OLFM3: variants seen among roughly 807,000 people sequenced by gnomAD.
The protein encoded by OLFM3 is noelin-3.
In OLFM3, 20 loss-of-function variants were observed where a neutral mutation model predicts 48.6. The observed-to-expected ratio is 0.41, with a 90% CI of 0.29 to 0.60. The LOEUF is 0.60. Among genes scored for constraint, OLFM3 ranks in the 20% least tolerant of loss-of-function variants. The probability of loss-of-function intolerance (pLI) is 0.28; values close to 1 mark genes in which losing one functional copy is unlikely to be tolerated. For synonymous variants in OLFM3, 222 were observed against 198.1 expected, an observed-to-expected ratio of 1.12 and a Z score of -1.01; for missense variants, 437 against 544.3, an observed-to-expected ratio of 0.80 and a Z score of 1.96.
intron 1 of OLFM3, among the ~76,000 whole-genome samples, chr1:101,920,137 GTC>G (rs1409257595): frequency 6.6e-6 from 1 of 151,974 alleles, no homozygotes; most frequent in African/African-American, 2.4e-5. Flanking sequence ...TTCCTAATTG[GTC>G]TCTCTGTTTG....
intron 1 of OLFM3, among the ~76,000 whole-genome samples, chr1:101,900,141 T>A (rs1368600744): frequency 1.3e-5 from 2 of 152,208 alleles, no homozygotes; most frequent in Non-Finnish European, 2.9e-5. Context: ...TTTATTTATA[T>A]GTTTGATGTT....
intron 1 of OLFM3, among the ~76,000 whole-genome samples, chr1:101,860,897 G>C (rs1382446826): frequency 6.6e-6 from 1 of 151,982 alleles, no homozygotes; most frequent in African/African-American, 2.4e-5. Context: ...ATAATAGCCA[G>C]TCACCCATAT....
At chr1:101,937,399 G>A (rs77286309) in intron 1 of OLFM3, among the ~76,000 whole-genome samples, 19,695 of 152,170 alleles carry the variant, frequency 0.13, 1,601 homozygotes, top group Non-Finnish European at 0.17. Flanking sequence ...GACATGGTTT[G>A]GCTGTGTCCC....
chr1:101,919,381 C>T (rs1051677470), intron 1 of OLFM3, among the ~76,000 whole-genome samples: 3 of 151,972 alleles, frequency 2.0e-5, no homozygotes, highest in African/African-American at 7.3e-5. Context: ...ATTTTGCTCC[C>T]GTTATACGGA....
chr1:101,873,360 G>T (rs1486443552), intron 1 of OLFM3, among the ~76,000 whole-genome samples: 2 of 151,850 alleles, frequency 1.3e-5, no homozygotes, highest in East Asian at 3.9e-4. Flanking sequence ...ATTTTGTATG[G>T]TGGAAATTGT....
At chr1:101,836,275 T>C (rs1655397170) in intron 2 of OLFM3, among the ~76,000 whole-genome samples, 1 of 152,192 alleles carries the variant, frequency 6.6e-6, no homozygotes, top group African/African-American at 2.4e-5. Context: ...TAAACATAAA[T>C]AACCTTTCAT....
intron 1 of OLFM3, among the ~76,000 whole-genome samples, chr1:101,959,446 T>C (rs986762032): frequency 1.3e-5 from 2 of 152,086 alleles, no homozygotes; most frequent in Non-Finnish European, 2.9e-5. Flanking sequence ...TTGTTCACTG[T>C]GAATCTTGAT....
At chr1:101,850,500 A>G (rs1054189074) in intron 1 of OLFM3, among the ~76,000 whole-genome samples, 3 of 152,134 alleles carry the variant, frequency 2.0e-5, no homozygotes, top group Non-Finnish European at 2.9e-5. Context: ...TTTTATTTGT[A>G]GAACAAAAGT....
chr1:101,989,072 G>A (rs1015089185), intron 1 of OLFM3, among the ~76,000 whole-genome samples: 1 of 152,038 alleles, frequency 6.6e-6, no homozygotes, highest in Non-Finnish European at 1.5e-5. Flanking sequence ...TGGGGTGCAA[G>A]GAATGTCAGG....
At chr1:101,887,300 T>A (rs555101628) in intron 1 of OLFM3, among the ~76,000 whole-genome samples, 48 of 151,938 alleles carry the variant, frequency 3.2e-4, no homozygotes, top group Admixed American at 9.2e-4. Context: ...AGAAAATAAT[T>A]GTATACCTAT....
chr1:101,812,284 T>C (rs1654103327), intron 4 of OLFM3: 1 of 322,326 alleles, frequency 3.1e-6, no homozygotes, highest in Non-Finnish European at 4.5e-6. Flanking sequence ...GGTATACATA[T>C]GTAACAAACC....
chr1:101,840,051 T>G (rs1195700719), intron 1 of OLFM3, among the ~76,000 whole-genome samples: 2 of 152,144 alleles, frequency 1.3e-5, no homozygotes, highest in Non-Finnish European at 2.9e-5. Context: ...TTTATGAGTG[T>G]TTCTAGTGTT....
chr1:101,936,537 C>T (rs1237969416), intron 1 of OLFM3, among the ~76,000 whole-genome samples: 1 of 152,096 alleles, frequency 6.6e-6, no homozygotes, highest in Non-Finnish European at 1.5e-5. Flanking sequence ...CTGCCAAAAC[C>T]TGTTTACAGA....
intron 1 of OLFM3, among the ~76,000 whole-genome samples, chr1:101,916,640 T>C (rs1467528667): frequency 1.3e-5 from 2 of 152,184 alleles, no homozygotes; most frequent in Non-Finnish European, 2.9e-5. Context: ...GACAGTATTT[T>C]AATCTCACTT....
chr1:101,973,323 G>A (rs763041214), intron 1 of OLFM3, among the ~76,000 whole-genome samples: 4 of 152,198 alleles, frequency 2.6e-5, no homozygotes, highest in African/African-American at 4.8e-5. Context: ...CAATGTCTGA[G>A]GCAGGAGAGC....
intron 4 of OLFM3, among the ~76,000 whole-genome samples, chr1:101,810,043 G>A (rs545517187): frequency 7.9e-5 from 12 of 151,882 alleles, no homozygotes; most frequent in African/African-American, 1.4e-4. Context: ...TAAAGTCCAC[G>A]TTGTTAGAGA....
chr1:101,837,912 ACTGT>A (rs1264785549), intron 1 of OLFM3: 1 of 152,122 alleles, frequency 6.6e-6, no homozygotes, highest in Non-Finnish European at 1.5e-5. Flanking sequence ...TTGTGAAGAA[ACTGT>A]CTGTACTATT....
intron 1 of OLFM3, among the ~76,000 whole-genome samples, chr1:101,896,072 C>G (rs1658190921): frequency 1.3e-5 from 2 of 151,418 alleles, no homozygotes; most frequent in Non-Finnish European, 2.9e-5. Context: ...AGATATGCAA[C>G]AATAATTTAT....
intron 1 of OLFM3, among the ~76,000 whole-genome samples, chr1:101,850,251 C>A (rs1656170568): frequency 6.6e-6 from 1 of 152,068 alleles, no homozygotes; most frequent in Non-Finnish European, 1.5e-5. Flanking sequence ...CATAGTGGAT[C>A]AATAACTATA....
Sources: gnomAD v4.1 joint callset for allele counts (sites outside exome capture counted in the v4.1 genomes callset) on GRCh38, gnomAD v4.1.1 for gene constraint, MANE v1.5 for transcripts, NCBI Gene and HGNC (gene_info 2026-07-23, HGNC 2026-07-21) for gene names.